USO1: variants seen among roughly 807,000 people sequenced by gnomAD.
USO1 encodes the protein general vesicular transport factor p115.
In USO1, 57 loss-of-function variants were observed where a neutral mutation model predicts 124.5. That is an observed-to-expected ratio of 0.46 (90% CI 0.37 to 0.57). The LOEUF is 0.57. USO1 is among the 20% of genes least tolerant of loss of function. The pLI is 0.00. For synonymous variants in USO1, 369 were observed against 362.8 expected (o/e 1.02, Z -0.19); for missense variants, 900 against 1,040.6 (o/e 0.86, Z 1.86).
At chr4:75,769,126 A>G (rs916462470) in intron 4 of USO1, among the ~76,000 whole-genome samples, 1 of 152,172 alleles carries the variant, frequency 6.6e-6, no homozygotes, top group African/African-American at 2.4e-5. Context: ...TTGTAATAAA[A>G]ATTATGACAT....
At chr4:75,769,398 T>TTC (rs771674611) in intron 4 of USO1, among the ~76,000 whole-genome samples, 5 of 152,238 alleles carry the variant, frequency 3.3e-5, no homozygotes, top group Non-Finnish European at 5.9e-5. Flanking sequence ...TTTTGGTCTC[T>TTC]TCTTTTTCCT....
chr4:75,771,961 C>A (rs1362634103), intron 7 of USO1, among the ~76,000 whole-genome samples: 1 of 152,104 alleles, frequency 6.6e-6, no homozygotes, highest in African/African-American at 2.4e-5. Context: ...CCCACAGAAA[C>A]CAAGTAAAGT....
At chr4:75,799,982 C>T (rs1189555537) in intron 14 of USO1, among the ~76,000 whole-genome samples, 6 of 149,348 alleles carry the variant, frequency 4.0e-5, no homozygotes, top group Admixed American at 1.3e-4. Flanking sequence ...CTTGCTCTGT[C>T]GCCCAGGCTG....
At chr4:75,738,434 AT>A (rs1720858326) in intron 1 of USO1, among the ~76,000 whole-genome samples, 1 of 151,766 alleles carries the variant, frequency 6.6e-6, no homozygotes, top group Non-Finnish European at 1.5e-5. Context: ...TCCAGCCTGG[AT>A]GACAGAGTGA....
At chr4:75,742,045 A>G (rs965716442) in intron 1 of USO1, among the ~76,000 whole-genome samples, 4 of 152,148 alleles carry the variant, frequency 2.6e-5, no homozygotes, top group African/African-American at 7.2e-5. Context: ...CAACTCCTAT[A>G]ATAATAATGC....
intron 4 of USO1, among the ~76,000 whole-genome samples, chr4:75,768,846 A>T (rs1721842653): frequency 6.6e-6 from 1 of 152,364 alleles, no homozygotes; most frequent in African/African-American, 2.4e-5. Flanking sequence ...GTTTATCCAC[A>T]CAGACTTCTC....
At chr4:75,778,299 A>T (rs1215597467) in intron 8 of USO1, among the ~76,000 whole-genome samples, 1 of 152,226 alleles carries the variant, frequency 6.6e-6, no homozygotes, top group Non-Finnish European at 1.5e-5. Flanking sequence ...CGATTTTTAC[A>T]GTAAAATAAG....
intron 4 of USO1, among the ~76,000 whole-genome samples, chr4:75,762,284 C>A (rs1005935129): frequency 6.7e-6 from 1 of 148,552 alleles, no homozygotes; most frequent in Non-Finnish European, 1.5e-5. Context: ...GATTCTCATG[C>A]CTCAGCCTCC....
At chr4:75,810,123 T>C (rs576157635) in intron 21 of USO1, among the ~76,000 whole-genome samples, 15 of 152,294 alleles carry the variant, frequency 9.8e-5, no homozygotes, top group Non-Finnish European at 2.1e-4. Flanking sequence ...TGAAAAATAT[T>C]CTGTGTTTAT....
chr4:75,781,561 C>A (rs1722221734), intron 8 of USO1, among the ~76,000 whole-genome samples: 2 of 152,084 alleles, frequency 1.3e-5, no homozygotes, highest in Non-Finnish European at 1.5e-5. Context: ...TGCTATTGCA[C>A]ACTTAATAAA....
chr4:75,737,376 TG>T (rs1285161982), intron 1 of USO1, among the ~76,000 whole-genome samples: 3 of 152,218 alleles, frequency 2.0e-5, no homozygotes, highest in Non-Finnish European at 4.4e-5. Flanking sequence ...TAAACCTCTT[TG>T]AAATCAGGAT....
intron 7 of USO1, among the ~76,000 whole-genome samples, 178 bp downstream of exon 7, chr4:75,771,315 G>T (rs1310703274): frequency 6.6e-6 from 1 of 152,064 alleles, no homozygotes; most frequent in East Asian, 1.9e-4. Context: ...GCCCAGGTTG[G>T]TCTTGAATTT....
chr4:75,724,928 C>T, intron 1 of USO1, 43 bp downstream of exon 1: 1 of 1,607,238 alleles, frequency 6.2e-7, no homozygotes, highest in East Asian at 2.2e-5. Flanking sequence ...GGGGTCCGGG[C>T]AGGGACGGGG....
chr4:75,749,547 T>C (rs1392214087), intron 1 of USO1, among the ~76,000 whole-genome samples: 2 of 151,172 alleles, frequency 1.3e-5, no homozygotes, highest in East Asian at 3.9e-4. Context: ...GACTACAGGC[T>C]CACACCATCA....
intron 1 of USO1, among the ~76,000 whole-genome samples, chr4:75,749,751 C>CTT (rs1408641001): frequency 1.5e-5 from 2 of 137,798 alleles, no homozygotes. Context: ...AAACTATGTT[C>CTT]TTTTTTTTTT....
At position 75,785,425 on chromosome 4, in the gene USO1, T is replaced by G. The variant is rs936096550; in HGVS notation, c.856-1637T>G. Among the ~76,000 whole-genome samples, 8 of 152,142 alleles carry G rather than the reference T, an allele frequency of 5.3e-5. No individual in the cohort carries two copies. In the East Asian group the frequency reaches 1.5e-3, roughly 29 times the overall value. ...CCTGCAGGAGTCTCTTCTATGGCAT[T>G]TTATTGGGAAGATACTGCCAATAGC... On this transcript the variant is annotated intron_variant, in intron 9 of 23. Transcript: ENST00000514213.
rs1434396333 is a variant in USO1 at position 75,800,340 on chromosome 4, A to G, written c.1564-11A>G. On this transcript the variant is annotated splice_polypyrimidine_tract_variant and intron_variant, in intron 14 of 23. Transcript: ENST00000514213. The stretch of plus-strand genomic sequence containing the variant: ...ATTTTCAATCCTTAGCCTCCTTAAC[A>G]AAGATTTCAGCTTACAGGACAAATT... 3 of 1,570,276 alleles carry G rather than the reference A, an allele frequency of 1.9e-6. No homozygotes were observed. The highest frequency in any genetic ancestry group is 1.7e-6 in the Non-Finnish European group (2 of 1,157,622).
rs556199872 is a variant in USO1 at position 75,725,109 on chromosome 4, G to C, written c.66+224G>C. The C allele has an allele frequency of 5.1e-5, 30 of 584,142 alleles. 2 individuals carry two copies. In the South Asian group the frequency reaches 5.7e-4, roughly 11 times the overall value. 36.2% of individuals were successfully genotyped at this position (584,142 alleles called of 1,614,324 possible). On this transcript the variant is annotated intron_variant, in intron 1 of 23. Coordinates refer to ENST00000514213, the MANE Select transcript of USO1 (RefSeq NM_003715.4). ...GTTCGGCCGGACTGACGGCGGCCGC[G>C]CCCCGCAGCTCTGTAGGCCCTGAAG...
At chr4:75,725,410 C>G (rs1468368301) in intron 1 of USO1, among the ~76,000 whole-genome samples, 2 of 152,166 alleles carry the variant, frequency 1.3e-5, no homozygotes, top group African/African-American at 4.8e-5. Flanking sequence ...AAGGACAAAT[C>G]CACCTGCTCC....
Sources: gnomAD v4.1 joint callset for allele counts (sites outside exome capture counted in the v4.1 genomes callset) on GRCh38, gnomAD v4.1.1 for gene constraint, MANE v1.5 for transcripts, NCBI Gene and HGNC (gene_info 2026-07-23, HGNC 2026-07-21) for gene names.